TSNARE1: variants seen among roughly 807,000 people sequenced by gnomAD.
The protein encoded by TSNARE1 is t-SNARE domain-containing protein 1.
TSNARE1 carries 49 observed loss-of-function variants against 62.0 expected under a neutral mutation model. That is an observed-to-expected ratio of 0.79 (90% CI 0.63 to 1.00). The LOEUF is 1.00. TSNARE1 is among the 50% of genes least tolerant of loss of function. The pLI, the probability that TSNARE1 is intolerant of heterozygous loss-of-function variation, is 0.00. For synonymous variants in TSNARE1, 328 were observed against 294.4 expected, an observed-to-expected ratio of 1.11 and a Z score of -1.17; for missense variants, 755 against 700.1, an observed-to-expected ratio of 1.08 and a Z score of -0.88.
intron 11 of TSNARE1, among the ~76,000 whole-genome samples, chr8:142,281,018 C>T (rs897604075): frequency 3.9e-5 from 6 of 152,204 alleles, no homozygotes; most frequent in Non-Finnish European, 2.9e-5. Flanking sequence ...CCTGGGGACA[C>T]AGCACAGTAC....
chr8:142,361,566 G>A (rs909674206), intron 1 of TSNARE1, among the ~76,000 whole-genome samples: 7 of 152,310 alleles, frequency 4.6e-5, no homozygotes, highest in East Asian at 1.9e-4. Flanking sequence ...GCCCACCTGC[G>A]GACCCAGTGT....
chr8:142,243,370 G>A (rs908934652), intron 12 of TSNARE1, among the ~76,000 whole-genome samples: 14 of 152,102 alleles, frequency 9.2e-5, no homozygotes, highest in Non-Finnish European at 1.6e-4. Flanking sequence ...CCCCAAAGTC[G>A]GATAAAGAAA....
At chr8:142,304,069 C>T (rs182582304) in intron 9 of TSNARE1, among the ~76,000 whole-genome samples, 273 of 152,310 alleles carry the variant, frequency 1.8e-3, no homozygotes, top group African/African-American at 5.9e-3. Flanking sequence ...CACCCTGACA[C>T]GGGTAGAAGC....
At chr8:142,247,668 C>T in intron 12 of TSNARE1, 1 of 152,244 alleles carries the variant, frequency 6.6e-6, no homozygotes, top group East Asian at 1.9e-4. Context: ...AGCACGAGAG[C>T]TCTGACCTGC....
chr8:142,350,535 C>T (rs1833966386), intron 2 of TSNARE1, among the ~76,000 whole-genome samples: 1 of 152,178 alleles, frequency 6.6e-6, no homozygotes, highest in Non-Finnish European at 1.5e-5. Context: ...TCAAGGAATA[C>T]ATAATCCTGT....
In TSNARE1 at chr8:142,229,495, C is replaced by G. The variant is rs756074767; in HGVS notation, c.1531G>C (p.Val511Leu). 20 of 1,613,924 alleles carry G rather than the reference C, an allele frequency of 1.2e-5. No homozygotes were observed. The highest frequency in any genetic ancestry group is 1.6e-4 in the Middle Eastern group (1 of 6,084). The change falls in exon 13 of 14, where the codon GTC becomes CTC. Residue 511 changes from valine (V) to leucine (L), a missense_variant. Physicochemically the swap from Val to Leu is conservative, Grantham distance 32. Coordinates refer to ENST00000524325, the MANE Select transcript of TSNARE1 (RefSeq NM_145003.5). ...CACCACGGGTAGCATCACTTTCGGACAGAGGTGGCGATGATGATGATGATG... is the reference window on the plus strand; with the variant it reads ...CACCACGGGTAGCATCACTTTCGGAGAGAGGTGGCGATGATGATGATGATG... ...LVIIIIIATSVRK is the reference protein window; with the variant it reads ...LVIIIIIATSLRK
chr8:142,353,107 C>T (rs1223869409), intron 2 of TSNARE1, among the ~76,000 whole-genome samples: 1 of 152,122 alleles, frequency 6.6e-6, no homozygotes, highest in Non-Finnish European at 1.5e-5. Context: ...CCCGGGGCTG[C>T]CTTCTCCAGG....
chr8:142,268,999 T>G (rs997993502), intron 12 of TSNARE1, among the ~76,000 whole-genome samples: 2 of 152,374 alleles, frequency 1.3e-5, no homozygotes, highest in South Asian at 4.1e-4. Context: ...AAAATAACTT[T>G]CATCAAATAT....
intron 13 of TSNARE1, among the ~76,000 whole-genome samples, chr8:142,221,630 A>C (rs1816214337): frequency 1.3e-5 from 2 of 151,146 alleles, no homozygotes; most frequent in African/African-American, 2.4e-5. Context: ...CTCATTCACA[A>C]ACTCATTGAC....
At chr8:142,213,503 AC>A (rs1815676056) in intron 13 of TSNARE1, among the ~76,000 whole-genome samples, 1 of 151,894 alleles carries the variant, frequency 6.6e-6, no homozygotes, top group African/African-American at 2.4e-5. Flanking sequence ...AAAACTGAAA[AC>A]CCCTATAAAA....
intron 1 of TSNARE1, among the ~76,000 whole-genome samples, chr8:142,388,618 G>A (rs1468132331): frequency 6.8e-6 from 1 of 147,686 alleles, no homozygotes; most frequent in Non-Finnish European, 1.5e-5. Context: ...AATGCAGTGG[G>A]AGGATCTCAG....
intron 6 of TSNARE1, among the ~76,000 whole-genome samples, chr8:142,327,788 C>T (rs1830472202): frequency 6.6e-6 from 1 of 152,216 alleles, no homozygotes; most frequent in South Asian, 2.1e-4. Context: ...GCTCCTTGAG[C>T]CCTTCTGGTG....
At chr8:142,403,977 G>C (rs1838496929), upstream of TSNARE1, 1 of 152,244 alleles carries the variant, frequency 6.6e-6, no homozygotes, top group African/African-American at 2.4e-5. Flanking sequence ...TGGGCCGCCA[G>C]GGTCACCTTT....
chr8:142,389,002 T>C (rs1837300761), intron 1 of TSNARE1, among the ~76,000 whole-genome samples: 1 of 152,160 alleles, frequency 6.6e-6, no homozygotes, highest in Non-Finnish European at 1.5e-5. Context: ...ACTCAAAACA[T>C]ACCACAAAGC....
intron 9 of TSNARE1, among the ~76,000 whole-genome samples, chr8:142,301,209 G>A (rs1397344540): frequency 7.6e-6 from 1 of 132,014 alleles, no homozygotes; most frequent in Non-Finnish European, 1.6e-5. Context: ...CCCGTCAGGA[G>A]CCCGGCCACA....
chr8:142,282,987 G>A (rs1316860875), intron 11 of TSNARE1, among the ~76,000 whole-genome samples: 7 of 150,312 alleles, frequency 4.7e-5, no homozygotes, highest in Non-Finnish European at 8.9e-5. Flanking sequence ...GGGCAAAGGC[G>A]GGGTCAGTGT....
intron 12 of TSNARE1, among the ~76,000 whole-genome samples, chr8:142,245,781 C>G (rs1817858617): frequency 6.6e-6 from 1 of 151,990 alleles, no homozygotes; most frequent in Admixed American, 6.6e-5. Flanking sequence ...AGGGCTGCTC[C>G]CAGGAGCAAG....
intron 12 of TSNARE1, among the ~76,000 whole-genome samples, chr8:142,262,855 A>G (rs1225995930): frequency 6.6e-6 from 1 of 152,204 alleles, no homozygotes; most frequent in Non-Finnish European, 1.5e-5. Context: ...ACCCAGTCTC[A>G]GGTATTTCTC....
chr8:142,381,867 G>A (rs948354119), intron 1 of TSNARE1, among the ~76,000 whole-genome samples: 4 of 152,164 alleles, frequency 2.6e-5, no homozygotes, highest in African/African-American at 7.2e-5. Flanking sequence ...CAGCGCCCGC[G>A]GGTGCCGCAG....
Sources: allele counts gnomAD v4.1 joint callset (sites outside exome capture counted in the v4.1 genomes callset), GRCh38; gene constraint gnomAD v4.1.1; transcripts MANE v1.5; gene names NCBI Gene and HGNC (gene_info 2026-07-23, HGNC 2026-07-21).